The following NECAB2 variants were observed in gnomAD, a reference collection of about 807,000 sequenced individuals.
NECAB2 encodes N-terminal EF-hand calcium-binding protein 2.
Under a neutral mutation model 51.9 loss-of-function variants are expected in NECAB2, and 68 were observed. The ratio of observed to expected loss-of-function variants is 1.31; its 90% CI spans 1.08 to 1.60. The LOEUF (loss-of-function observed/expected upper bound fraction) is 1.60, where lower values mean the gene tolerates loss of function less well. NECAB2 is among the 40% of genes most tolerant of loss of function. The pLI is 0.00. For missense variants in NECAB2, 854 were observed against 490.3 expected (o/e 1.74, Z -7.00); for synonymous variants, 329 against 203.5 (o/e 1.62, Z -5.25).
chr16:84,000,498 C>A (rs1025906679), intron 10 of NECAB2, among the ~76,000 whole-genome samples: 1 of 152,194 alleles, frequency 6.6e-6, no homozygotes, highest in Admixed American at 6.5e-5. Context: ...AAAAACTACA[C>A]TGCATTGATT....
At chr16:83,980,308 G>A (rs1362987534) in intron 3 of NECAB2, among the ~76,000 whole-genome samples, 2 of 152,138 alleles carry the variant, frequency 1.3e-5, no homozygotes, top group Non-Finnish European at 2.9e-5. Flanking sequence ...TCACTGCCAT[G>A]GGGGATAGGC....
Position 84,002,348 on chromosome 16 carries a change from A to C in NECAB2, c.*2A>C. 1 of 1,613,944 alleles carries C rather than the reference A, an allele frequency of 6.2e-7. No individual in the cohort carries two copies. The highest frequency in any genetic ancestry group is 8.5e-7 in the Non-Finnish European group (1 of 1,179,910). ...TGGTGCACGGTGGGACGGGACTGACAGCCTCCCAGAGGCCCGTGGAGGAGC... is the reference window on the plus strand; with the variant it reads ...TGGTGCACGGTGGGACGGGACTGACCGCCTCCCAGAGGCCCGTGGAGGAGC... On this transcript the variant is annotated 3_prime_UTR_variant, in exon 13 of 13. Transcript: ENST00000305202.
In NECAB2 at chr16:83,994,431, G is replaced by C. The variant is rs752641694; in HGVS notation, c.715+11G>C. ...AGACCCTTCCATCTGGTGAGAGAAA[G>C]CGGGGGCCCTGGTGGGGGTACCAGC... is the stretch of plus-strand genomic sequence containing the variant. On this transcript the variant is annotated intron_variant, in intron 7 of 12. Transcript: ENST00000305202. 3 of 1,613,510 alleles carry C rather than the reference G, an allele frequency of 1.9e-6. No individual in the cohort carries two copies. The highest frequency in any genetic ancestry group is 2.7e-5 in the African/African-American group (2 of 74,914).
chr16:83,970,398 G>A (rs920805071), intron 1 of NECAB2, among the ~76,000 whole-genome samples: 1 of 152,198 alleles, frequency 6.6e-6, no homozygotes, highest in Non-Finnish European at 1.5e-5. Flanking sequence ...TCAGGAACGG[G>A]GCTGCGGGGT....
At chr16:83,973,433 T>TG (rs1357716092) in intron 2 of NECAB2, among the ~76,000 whole-genome samples, 3 of 152,076 alleles carry the variant, frequency 2.0e-5, no homozygotes, top group Non-Finnish European at 4.4e-5. Context: ...CCTGCATCCC[T>TG]GGGGGGTGAC....
chr16:83,965,620 C>T (rs201011853), upstream of NECAB2: 3 of 1,613,210 alleles, frequency 1.9e-6, no homozygotes, highest in East Asian at 6.7e-5. Context: ...AGCAGTCCAT[C>T]CTGTCGCCCA....
chr16:83,990,288 G>A, intron 5 of NECAB2, among the ~76,000 whole-genome samples: 1 of 152,158 alleles, frequency 6.6e-6, no homozygotes, highest in South Asian at 2.1e-4. Context: ...TGAAGCCAGG[G>A]TTCAAATTTG....
Position 83,980,612 on chromosome 16 carries a change from G to A in NECAB2, c.336-227G>A, listed in dbSNP as rs765715503. 7.2e-5 allele frequency among the ~76,000 whole-genome samples: 11 copies of A among 152,098 alleles called. No individual in the cohort carries two copies. The South Asian group carries it at 8.3e-4, about 11-fold the overall frequency. On this transcript the variant is annotated intron_variant, in intron 3 of 12. Coordinates refer to ENST00000305202, the MANE Select transcript of NECAB2 (RefSeq NM_019065.3). ...ATTCATGATGGGGTCAGCAGACTCC[G>A]AGAAAACAGAACAAGGGTGGGTGGT...
At chr16:83,995,602 C>G (rs959922402) in intron 8 of NECAB2, among the ~76,000 whole-genome samples, 1 of 152,206 alleles carries the variant, frequency 6.6e-6, no homozygotes, top group African/African-American at 2.4e-5. Context: ...TAACTGAGCT[C>G]TCAGAACCCT....
rs778287791 is a variant in NECAB2 at position 83,990,514 on chromosome 16, C to T, written c.480C>T (p.Asn160=). The T allele has an allele frequency of 3.1e-6, 5 of 1,614,060 alleles. No individual in the cohort carries two copies. The highest frequency in any genetic ancestry group is 1.7e-5 in the Admixed American group (1 of 60,018). The change falls in exon 6 of 13, where the codon AAC becomes AAT. Residue 160 remains asparagine (N), a synonymous_variant. Transcript: ENST00000305202. ...YTKKVYEGGS[N]VDQFVTRFLL... is the part of the protein sequence containing the mutation. Reference sequence around the variant, plus strand: ...CACAGGTATATGAGGGTGGGAGCAACGTGGACCAGTTTGTGACCCGCTTCC... The same window carrying T: ...CACAGGTATATGAGGGTGGGAGCAATGTGGACCAGTTTGTGACCCGCTTCC...
chr16:84,001,458 C>T (rs74926984), intron 11 of NECAB2, among the ~76,000 whole-genome samples: 6,264 of 152,200 alleles, frequency 0.041, 417 homozygotes, highest in African/African-American at 0.14. Flanking sequence ...CCTCCCTGTC[C>T]GTACTTCAGT....
intron 5 of NECAB2, 42 bp from the exon 6 acceptor site, chr16:83,990,452 C>G (rs780829796): frequency 1.2e-6 from 2 of 1,607,206 alleles, no homozygotes; most frequent in Admixed American, 1.7e-5. Context: ...CAATTTCCCT[C>G]CCACCCCTTT....
intron 3 of NECAB2, among the ~76,000 whole-genome samples, chr16:83,979,001 G>C (rs542773062): frequency 6.6e-6 from 1 of 152,054 alleles, no homozygotes; most frequent in African/African-American, 2.4e-5. Context: ...TCAACACTAC[G>C]TCTATCATTA....
chr16:83,986,507 C>G (rs1327756333), intron 5 of NECAB2, among the ~76,000 whole-genome samples: 4 of 152,084 alleles, frequency 2.6e-5, no homozygotes, highest in African/African-American at 9.7e-5. Context: ...GACAAACTTC[C>G]TGTGCATTTC....
chr16:83,998,139 C>T (rs942361008), intron 9 of NECAB2, 66 bp from the exon 10 acceptor site: 3 of 1,443,694 alleles, frequency 2.1e-6, no homozygotes, highest in African/African-American at 1.4e-5. Context: ...TCATGGGGGC[C>T]TGATGGGGTG....
At chr16:83,990,660 T>C in intron 6 of NECAB2, 30 bp downstream of exon 6, 2 of 1,612,322 alleles carry the variant, frequency 1.2e-6, no homozygotes, top group Non-Finnish European at 8.5e-7. Flanking sequence ...CAGGGTCCCA[T>C]GGGGGTATGC....
chr16:83,997,949 G>T (rs2084741130), intron 9 of NECAB2, among the ~76,000 whole-genome samples: 1 of 152,198 alleles, frequency 6.6e-6, no homozygotes, highest in Non-Finnish European at 1.5e-5. Flanking sequence ...GGTGGTTGTG[G>T]ACATGGATGG....
intron 10 of NECAB2, among the ~76,000 whole-genome samples, chr16:83,998,935 C>T (rs567204414): frequency 2.0e-5 from 3 of 152,312 alleles, no homozygotes; most frequent in South Asian, 2.1e-4. Flanking sequence ...GAGGGGGTTG[C>T]AGAAGACAAC....
At chr16:83,994,810 TC>T (rs2084674271) in intron 8 of NECAB2, 122 bp downstream of exon 8, 10 of 1,135,328 alleles carry the variant, frequency 8.8e-6, no homozygotes, top group South Asian at 2.7e-5. Context: ...GAAAAAGACA[TC>T]CCCCAGGTGG....
Sources: gnomAD v4.1 joint callset for allele counts (sites outside exome capture counted in the v4.1 genomes callset) on GRCh38, gnomAD v4.1.1 for gene constraint, MANE v1.5 for transcripts, NCBI Gene and HGNC (gene_info 2026-07-23, HGNC 2026-07-21) for gene names.